The following ZNF681 variants were observed in gnomAD, a reference collection of about 807,000 sequenced individuals.
The protein encoded by ZNF681 is zinc finger protein 681.
ZNF681 carries 37 observed loss-of-function variants against 56.0 expected under a neutral mutation model. That is an observed-to-expected ratio of 0.66 (90% CI 0.51 to 0.87). The LOEUF is 0.87. Among genes scored for constraint, ZNF681 ranks in the 40% least tolerant of loss-of-function variants. The pLI, the probability that ZNF681 is intolerant of heterozygous loss-of-function variation, is 0.00. For synonymous variants in ZNF681, 225 were observed against 248.6 expected (o/e 0.91, Z 0.89); for missense variants, 741 against 744.9 (o/e 0.99, Z 0.06).
chr19:23,758,441 G>A (rs1969158170), intron 1 of ZNF681, among the ~76,000 whole-genome samples: 1 of 152,146 alleles, frequency 6.6e-6, no homozygotes, highest in Non-Finnish European at 1.5e-5. Flanking sequence ...CATGAACCCG[G>A]CACCCGTCAG....
At position 23,743,948 on chromosome 19, in the gene ZNF681, G is replaced by A; in HGVS notation, c.1602C>T (p.Tyr534=). ...HKKIHTGEKP[Y]TCEECGKAFN... is the part of the protein sequence containing the mutation. Reference sequence around the variant, plus strand: ...AGGCTTTGCCACATTCTTCACATGTGTAGGGTTTCTCTCCAGTATGAATTT... The same window carrying A: ...AGGCTTTGCCACATTCTTCACATGTATAGGGTTTCTCTCCAGTATGAATTT... Residue 534 remains tyrosine (Y), a synonymous_variant, in exon 4 of 4, where the codon TAC becomes TAT. Transcript: ENST00000402377. 3.7e-6 allele frequency: 6 copies of A among 1,612,920 alleles called. No homozygotes were observed. The highest frequency in any genetic ancestry group is 5.1e-6 in the Non-Finnish European group (6 of 1,179,826).
chr19:23,745,158 T>C lies in ZNF681; in HGVS notation c.392A>G (p.Asn131Ser), dbSNP rs768556363. The change falls in exon 4 of 4, where the codon AAC (asparagine) becomes AGC (serine). Residue 131 changes from asparagine (N) to serine (S), a missense_variant. Physicochemically the swap from Asn to Ser is conservative, Grantham distance 46 (BLOSUM62 1). Coordinates refer to ENST00000402377, the MANE Select transcript of ZNF681 (RefSeq NM_138286.3). Reference sequence around the variant, plus strand: ...GCTCTGGGTAGTTGGCAAACATTGGTTAAGTCCATTATAACCTCCTTTTTG... The same window carrying C: ...GCTCTGGGTAGTTGGCAAACATTGGCTAAGTCCATTATAACCTCCTTTTTG... ...KVQKGGYNGLNQCLPTTQSKI... is the reference protein window; with the variant it reads ...KVQKGGYNGLSQCLPTTQSKI... 20 of 1,612,858 alleles carry C rather than the reference T, an allele frequency of 1.2e-5. No homozygotes were observed. In the South Asian group the frequency reaches 2.1e-4, roughly 17 times the overall value.
intron 1 of ZNF681, among the ~76,000 whole-genome samples, chr19:23,757,188 T>C (rs548434813): frequency 2.6e-5 from 4 of 152,154 alleles, no homozygotes; most frequent in Admixed American, 2.6e-4. Context: ...ACCTGGCTTA[T>C]AAAAGTTATA....
chr19:23,751,249 G>A (rs1055355293), intron 3 of ZNF681, among the ~76,000 whole-genome samples: 2 of 151,904 alleles, frequency 1.3e-5, no homozygotes, highest in African/African-American at 4.8e-5. Context: ...GGCTGAGGCA[G>A]GCGGATCACC....
intron 2 of ZNF681, 76 bp downstream of exon 2, chr19:23,755,349 C>A: frequency 6.6e-7 from 1 of 1,513,558 alleles, no homozygotes; most frequent in Non-Finnish European, 8.8e-7. Flanking sequence ...GCATAAATTA[C>A]CTAAAAACAT....
In ZNF681 at chr19:23,745,034, A is replaced by G. The variant is rs759245096; in HGVS notation, c.516T>C (p.Tyr172=). 1.3e-6 allele frequency: 2 copies of G among 1,583,958 alleles called. No homozygotes were observed. The highest frequency in any genetic ancestry group is 1.7e-6 in the Non-Finnish European group (2 of 1,167,950). ...TGCAAAATGATTTGCCAAATTCTTT[A>G]TATTTAAAAGGTTTTTTTCTGGTGT... ...VRHTRKKPFK[Y]KEFGKSFCIF... is the part of the protein sequence containing the mutation. Residue 172 remains tyrosine, a synonymous_variant, in exon 4 of 4, where the codon TAT becomes TAC. Coordinates refer to ENST00000402377, the MANE Select transcript of ZNF681 (RefSeq NM_138286.3).
intron 3 of ZNF681, among the ~76,000 whole-genome samples, chr19:23,751,642 C>T (rs1470005829): frequency 1.3e-5 from 2 of 152,022 alleles, no homozygotes; most frequent in Admixed American, 1.3e-4. Flanking sequence ...TAATGAGAAA[C>T]TTTTAATCAA....
At chr19:23,753,970 A>C (rs1208654699) in intron 3 of ZNF681, among the ~76,000 whole-genome samples, 1 of 151,990 alleles carries the variant, frequency 6.6e-6, no homozygotes. Context: ...CAAGTCTAAA[A>C]TTTATATATG....
In ZNF681 at chr19:23,758,752, C is replaced by A. The variant is rs776986116; in HGVS notation, c.-3G>T. The A allele has an allele frequency of 1.2e-6, 2 of 1,614,236 alleles. No homozygotes were observed. Among genetic ancestry groups the A allele is most frequent in the African/African-American group, 1.3e-5 (1 of 75,070 alleles). On this transcript the variant is annotated 5_prime_UTR_variant, in exon 1 of 4. Coordinates refer to ENST00000402377, the MANE Select transcript of ZNF681 (RefSeq NM_138286.3). Reference sequence around the variant, plus strand: ...GTCGGACCCGACATTCTCACCATTTCTAGGTTTCCGGGGGACCTGGCGTCT... The same window carrying A: ...GTCGGACCCGACATTCTCACCATTTATAGGTTTCCGGGGGACCTGGCGTCT...
intron 3 of ZNF681, among the ~76,000 whole-genome samples, chr19:23,749,792 T>C (rs1483892793): frequency 1.3e-5 from 1 of 79,152 alleles, no homozygotes; most frequent in Non-Finnish European, 2.5e-5. Context: ...GTTATGTGTT[T>C]TTACAATTAA....
At chr19:23,754,284 A>G (rs532929609) in intron 3 of ZNF681, among the ~76,000 whole-genome samples, 1 of 152,304 alleles carries the variant, frequency 6.6e-6, no homozygotes, top group South Asian at 2.1e-4. Flanking sequence ...CTCACTCTAA[A>G]CTAGAAGGCA....
intron 3 of ZNF681, among the ~76,000 whole-genome samples, chr19:23,751,497 A>C (rs949787945): frequency 4.0e-5 from 6 of 151,038 alleles, no homozygotes; most frequent in African/African-American, 1.5e-4. Flanking sequence ...AAAAGAAAAC[A>C]AAAAAAATTC....
At position 23,745,326 on chromosome 19, in the gene ZNF681, G is replaced by A. The variant is rs1485976135; in HGVS notation, c.227-3C>T. The A allele has an allele frequency of 2.6e-6, 4 of 1,515,148 alleles. No homozygotes were observed. Among genetic ancestry groups the A allele is most frequent in the Non-Finnish European group, 3.5e-6 (4 of 1,136,874 alleles). 93.9% of individuals were successfully genotyped at this position (1,515,148 alleles called of 1,614,324 possible). A position where few individuals can be genotyped will look rare whatever the true frequency, so the allele number is the denominator to read the frequency against. On this transcript the variant is annotated splice_region_variant and splice_polypyrimidine_tract_variant and intron_variant, in intron 3 of 3. Coordinates refer to ENST00000402377, the MANE Select transcript of ZNF681 (RefSeq NM_138286.3). ...TTGGGCAAAATGAGAACAAATAACT[G>A]AAAGAAATAAAAATAACAAATGACT...
intron 3 of ZNF681, among the ~76,000 whole-genome samples, chr19:23,753,127 G>A (rs1245176570): frequency 2.6e-5 from 4 of 152,296 alleles, no homozygotes; most frequent in Non-Finnish European, 5.9e-5. Flanking sequence ...AGCCAGGCAT[G>A]GTGGCTCATG....
At chr19:23,753,130 G>C (rs1568311965) in intron 3 of ZNF681, among the ~76,000 whole-genome samples, 1 of 152,278 alleles carries the variant, frequency 6.6e-6, no homozygotes, top group Admixed American at 6.5e-5. Context: ...CAGGCATGGT[G>C]GCTCATGCCT....
chr19:23,753,984 C>G (rs1969075535), intron 3 of ZNF681, among the ~76,000 whole-genome samples: 1 of 148,188 alleles, frequency 6.7e-6, no homozygotes, highest in African/African-American at 2.5e-5. Context: ...ATATATGAAA[C>G]TACAATAAAC....
intron 1 of ZNF681, among the ~76,000 whole-genome samples, chr19:23,758,356 G>A (rs1175102898): frequency 6.6e-6 from 1 of 152,228 alleles, no homozygotes; most frequent in Non-Finnish European, 1.5e-5. Flanking sequence ...ACCGCGCCAG[G>A]CCTTTTGACT....
At chr19:23,757,400 G>A (rs10404626) in intron 1 of ZNF681, among the ~76,000 whole-genome samples, 148,760 of 152,038 alleles carry the variant, frequency 0.98, 72,868 homozygotes, top group Middle Eastern at 1. Flanking sequence ...TTTTTAAAAA[G>A]TATACACAAT....
rs560621763 is a variant in ZNF681, at chr19:23,758,115, T to C, written c.3+632A>G. On this transcript the variant is annotated intron_variant, in intron 1 of 3. Transcript: ENST00000402377. Reference sequence around the variant, plus strand: ...AGTGGCACAAATAGAGCCCAAATTTTCTGCACACATCTATTTATTGTACCA... The same window carrying C: ...AGTGGCACAAATAGAGCCCAAATTTCCTGCACACATCTATTTATTGTACCA... Among the ~76,000 whole-genome samples, 148 of 152,368 alleles carry C rather than the reference T, an allele frequency of 9.7e-4. 2 individuals are homozygous for C. The highest frequency in any genetic ancestry group is 2.0e-3 in the Non-Finnish European group (138 of 68,036).
Sources: gnomAD v4.1 joint callset for allele counts (sites outside exome capture counted in the v4.1 genomes callset) on GRCh38, gnomAD v4.1.1 for gene constraint, MANE v1.5 for transcripts, NCBI Gene and HGNC (gene_info 2026-07-23, HGNC 2026-07-21) for gene names.